Variants in HSD17B12 observed in about 807,000 individuals in gnomAD.
HSD17B12 encodes hydroxysteroid 17-beta dehydrogenase 12, also known as very-long-chain 3-oxoacyl-CoA reductase.
Under a neutral mutation model 39.3 loss-of-function variants are expected in HSD17B12, and 32 were observed. The ratio of observed to expected loss-of-function variants is 0.81; its 90% CI spans 0.61 to 1.09. HSD17B12 has a LOEUF of 1.09. Ranked by LOEUF, HSD17B12 falls within the 50% of genes least tolerant of loss-of-function variation. The probability of loss-of-function intolerance (pLI) is 0.00; values close to 1 mark genes in which losing one functional copy is unlikely to be tolerated. For missense variants in HSD17B12, 342 were observed against 382.9 expected (o/e 0.89, Z 0.89); for synonymous variants, 150 against 146.7 (o/e 1.02, Z -0.16).
At chr11:43,735,856 T>G (rs1232082868) in intron 1 of HSD17B12, among the ~76,000 whole-genome samples, 1 of 152,150 alleles carries the variant, frequency 6.6e-6, no homozygotes, top group African/African-American at 2.4e-5. Flanking sequence ...AAGGCATGTC[T>G]TACCTGGTGG....
the HSD17B12 span, among the ~76,000 whole-genome samples, chr11:43,562,612 G>T: frequency 2.0e-5 from 3 of 152,094 alleles, no homozygotes; most frequent in African/African-American, 4.8e-5. Flanking sequence ...AAATGACTTG[G>T]GAACATCTTA....
At chr11:43,618,616 A>G in the HSD17B12 span, among the ~76,000 whole-genome samples, 2 of 152,170 alleles carry the variant, frequency 1.3e-5, no homozygotes, top group Non-Finnish European at 2.9e-5. Context: ...GGGTTGGTTA[A>G]ATATTGGCTC....
chr11:43,817,908 G>A (rs574601866), intron 6 of HSD17B12, among the ~76,000 whole-genome samples: 81 of 152,112 alleles, frequency 5.3e-4, no homozygotes, highest in Non-Finnish European at 1.1e-3. Context: ...GATGGGAATT[G>A]CATTGAATTT....
the HSD17B12 span, among the ~76,000 whole-genome samples, chr11:43,568,715 C>T: frequency 6.6e-6 from 1 of 152,194 alleles, no homozygotes; most frequent in African/African-American, 2.4e-5. Context: ...AGAATCAAGA[C>T]CAGAACTGTC....
intron 3 of HSD17B12, among the ~76,000 whole-genome samples, chr11:43,777,213 C>T (rs1421376292): frequency 2.6e-5 from 4 of 152,162 alleles, no homozygotes; most frequent in East Asian, 1.9e-4. Context: ...GCCATTTTCA[C>T]GATATTGGTT....
intron 3 of HSD17B12, chr11:43,754,966 T>C (rs1483762360): frequency 2.8e-6 from 2 of 710,118 alleles, no homozygotes. Context: ...GCTGTTCATT[T>C]GTTTGGTAAA....
chr11:43,570,798 T>C, the HSD17B12 span, among the ~76,000 whole-genome samples: 2 of 152,156 alleles, frequency 1.3e-5, no homozygotes, highest in Non-Finnish European at 2.9e-5. Context: ...AGAAAGTGTA[T>C]TTTCTCCCCT....
At chr11:43,626,182 G>T in the HSD17B12 span, among the ~76,000 whole-genome samples, 1 of 151,282 alleles carries the variant, frequency 6.6e-6, no homozygotes, top group Non-Finnish European at 1.5e-5. Context: ...ATACATTCTG[G>T]ATAGAAATTC....
intron 1 of HSD17B12, among the ~76,000 whole-genome samples, chr11:43,735,418 C>G (rs1950307657): frequency 6.6e-6 from 1 of 152,156 alleles, no homozygotes; most frequent in African/African-American, 2.4e-5. Context: ...TTCCCCACAT[C>G]CTCACCAACA....
chr11:43,625,431 CAA>C, the HSD17B12 span, among the ~76,000 whole-genome samples: 3 of 151,196 alleles, frequency 2.0e-5, no homozygotes, highest in Admixed American at 2.0e-4. Flanking sequence ...ATTAAAGTAA[CAA>C]TAGATAATTC....
At chr11:43,832,444 G>A (rs1304412123) in intron 7 of HSD17B12, among the ~76,000 whole-genome samples, 1 of 152,156 alleles carries the variant, frequency 6.6e-6, no homozygotes, top group Non-Finnish European at 1.5e-5. Flanking sequence ...TAAAGTCTTA[G>A]AGTCAAAGAG....
rs558380973 is a variant in HSD17B12 at position 43,726,631 on chromosome 11, C to T, written c.161-24280C>T. Among the ~76,000 whole-genome samples, 3 of 152,294 alleles carry T rather than the reference C, an allele frequency of 2.0e-5. No homozygotes were observed. The South Asian group carries it at 6.2e-4, about 32-fold the overall frequency. Reference sequence around the variant, plus strand: ...GTGTCTTTTGTTGTTTGTTTCTTCACTTGGTTATCTCTTAAATGAAAGAAG... The same window carrying T: ...GTGTCTTTTGTTGTTTGTTTCTTCATTTGGTTATCTCTTAAATGAAAGAAG... On this transcript the variant is annotated intron_variant, in intron 1 of 10. Transcript: ENST00000278353.
chr11:43,831,264 C>T lies in HSD17B12; in HGVS notation c.536+254C>T. On this transcript the variant is annotated intron_variant, in intron 7 of 10. Coordinates refer to ENST00000278353, the MANE Select transcript of HSD17B12 (RefSeq NM_016142.3). This position sits in a 1 kb window ranked among gnomAD's most constrained non-coding sequence, Gnocchi z 4.1. ...CTTTAGATCAGGATGAAAAAGCCTG[C>T]CTGAGTCACCATCACTAACTCAATT... 2 of 270,082 alleles carry T rather than the reference C, an allele frequency of 7.4e-6. No individual in the cohort carries two copies. The highest frequency in any genetic ancestry group is 6.8e-5 in the East Asian group (1 of 14,730). The allele number at this position is 270,082 out of a possible 1,614,324, so 16.7% of individuals were successfully genotyped here. A position where few individuals can be genotyped will look rare whatever the true frequency, so the allele number is the denominator to read the frequency against.
chr11:43,632,200 C>A, the HSD17B12 span, among the ~76,000 whole-genome samples: 2 of 152,242 alleles, frequency 1.3e-5, no homozygotes, highest in Admixed American at 1.3e-4. Flanking sequence ...CTTCGTGTGG[C>A]CTTGGTAAGT....
intron 1 of HSD17B12, among the ~76,000 whole-genome samples, chr11:43,743,572 A>G (rs1329360208): frequency 6.6e-6 from 1 of 152,214 alleles, no homozygotes; most frequent in Non-Finnish European, 1.5e-5. Flanking sequence ...AAGCCCTAAG[A>G]TGAGACACCT....
the HSD17B12 span, among the ~76,000 whole-genome samples, chr11:43,631,988 C>T: frequency 6.6e-6 from 1 of 152,094 alleles, no homozygotes; most frequent in Non-Finnish European, 1.5e-5. Context: ...TCGGTTACTA[C>T]TGAGCAGAGT....
intron 1 of HSD17B12, among the ~76,000 whole-genome samples, chr11:43,686,773 A>G (rs1227250695): frequency 2.6e-5 from 4 of 152,152 alleles, no homozygotes; most frequent in Non-Finnish European, 5.9e-5. Flanking sequence ...CAGATAGTAC[A>G]TAAGTGCTTG....
intron 1 of HSD17B12, among the ~76,000 whole-genome samples, chr11:43,695,895 A>G (rs1949907328): frequency 6.6e-6 from 1 of 152,204 alleles, no homozygotes; most frequent in African/African-American, 2.4e-5. Flanking sequence ...CGTTTGTTAC[A>G]TAGGTAAATT....
At chr11:43,854,668 C>G (rs1481232145) in intron 9 of HSD17B12, 47 bp from the exon 10 acceptor site, 1 of 1,603,046 alleles carries the variant, frequency 6.2e-7, no homozygotes, top group Admixed American at 1.7e-5. Context: ...AGTTTGTGGC[C>G]TTACTAATCA....
Sources: allele counts gnomAD v4.1 joint callset (sites outside exome capture counted in the v4.1 genomes callset), GRCh38; gene constraint gnomAD v4.1.1; non-coding constraint Gnocchi (gnomAD v3.1); transcripts MANE v1.5; gene names NCBI Gene and HGNC (gene_info 2026-07-23, HGNC 2026-07-21).